The following HSPA4L variants were observed in gnomAD, a reference collection of about 807,000 sequenced individuals.
HSPA4L encodes heat shock protein family A (Hsp70) member 4 like, also known as heat shock 70 kDa protein 4L.
Under a neutral mutation model 100.3 loss-of-function variants are expected in HSPA4L, and 48 were observed. The ratio of observed to expected loss-of-function variants is 0.48; its 90% CI spans 0.38 to 0.61. The LOEUF (loss-of-function observed/expected upper bound fraction) is 0.61, where lower values mean the gene tolerates loss of function less well. Among genes scored for constraint, HSPA4L ranks in the 20% least tolerant of loss-of-function variants. The pLI is 0.00. For synonymous variants in HSPA4L, 319 were observed against 328.2 expected (o/e 0.97, Z 0.30); for missense variants, 886 against 988.6 (o/e 0.90, Z 1.39).
intron 14 of HSPA4L, 150 bp from the exon 15 acceptor site, chr4:127,822,619 T>G: frequency 1.4e-6 from 1 of 710,752 alleles, no homozygotes; most frequent in Non-Finnish European, 2.2e-6. Flanking sequence ...CTCAGCAATG[T>G]ACAAGGGTTT....
rs1356646761 is a variant in HSPA4L, at chr4:127,836,941, A to T, written c.*4067A>T. The T allele has an allele frequency of 2.0e-5, 3 of 151,928 alleles. No individual in the cohort carries two copies. Among genetic ancestry groups the T allele is most frequent in the Non-Finnish European group, 2.9e-5 (2 of 67,960 alleles). 9.4% of individuals were successfully genotyped at this position (151,928 alleles called of 1,614,324 possible). ...TTTCTCAGTTTTTAAAAGTTTACAAAATTTTTTTTTTTGTTTTGAGACAGA... is the reference window on the plus strand; with the variant it reads ...TTTCTCAGTTTTTAAAAGTTTACAATATTTTTTTTTTTGTTTTGAGACAGA... On this transcript the variant is annotated 3_prime_UTR_variant, in exon 19 of 19. Coordinates refer to ENST00000296464, the MANE Select transcript of HSPA4L (RefSeq NM_014278.4).
chr4:127,794,896 G>A (rs1732976547), intron 2 of HSPA4L, among the ~76,000 whole-genome samples: 1 of 152,048 alleles, frequency 6.6e-6, no homozygotes, highest in Non-Finnish European at 1.5e-5. Context: ...AAGGTCACTA[G>A]GATTATAGCA....
At chr4:127,786,828 A>G (rs1732731354) in intron 1 of HSPA4L, among the ~76,000 whole-genome samples, 1 of 152,348 alleles carries the variant, frequency 6.6e-6, no homozygotes, top group South Asian at 2.1e-4. Flanking sequence ...TAAAATTCAT[A>G]AAAAATACAT....
Position 127,833,960 on chromosome 4 carries a change from T to C in HSPA4L, c.*1086T>C, listed in dbSNP as rs1734148752. ...ACAGGCAAAAATATAGAATGTTACA[T>C]AGTGTTGTGTGATTAAATTATAGTT... is the stretch of plus-strand genomic sequence containing the variant. On this transcript the variant is annotated 3_prime_UTR_variant, in exon 19 of 19. Coordinates refer to ENST00000296464, the MANE Select transcript of HSPA4L (RefSeq NM_014278.4). The C allele has an allele frequency of 6.6e-6, 1 of 152,184 alleles. No individual in the cohort carries two copies. Among genetic ancestry groups the C allele is most frequent in the African/African-American group, 2.4e-5 (1 of 41,456 alleles). 9.4% of individuals were successfully genotyped at this position (152,184 alleles called of 1,614,324 possible).
At chr4:127,812,845 G>C in intron 12 of HSPA4L, 2 of 1,097,292 alleles carry the variant, frequency 1.8e-6, no homozygotes, top group South Asian at 2.5e-5. Context: ...TTTCTCTTTG[G>C]CTTCTTTCTT....
rs371354704 is a variant in HSPA4L at position 127,808,148 on chromosome 4, C to A, written c.1378+19C>A. The A allele has an allele frequency of 2.5e-6, 4 of 1,575,670 alleles. No homozygotes were observed. Among genetic ancestry groups the A allele is most frequent in the Non-Finnish European group, 3.4e-6 (4 of 1,166,680 alleles). On this transcript the variant is annotated intron_variant, in intron 11 of 18. Transcript: ENST00000296464. Reference sequence around the variant, plus strand: ...AGAATTGGTAAGATAAAAAAAAGTTCTCCATAACATTTTGGCCTTTTATAA... The same window carrying A: ...AGAATTGGTAAGATAAAAAAAAGTTATCCATAACATTTTGGCCTTTTATAA...
chr4:127,810,388 C>CA (rs1733491122), intron 11 of HSPA4L, among the ~76,000 whole-genome samples: 1 of 152,164 alleles, frequency 6.6e-6, no homozygotes, highest in African/African-American at 2.4e-5. Flanking sequence ...CAAAGTACCA[C>CA]AAGCTAGGTG....
In HSPA4L at chr4:127,834,003, C is replaced by T. The variant is rs1305664730; in HGVS notation, c.*1129C>T. On this transcript the variant is annotated 3_prime_UTR_variant, in exon 19 of 19. Coordinates refer to ENST00000296464, the MANE Select transcript of HSPA4L (RefSeq NM_014278.4). ...TTATAGTTCCTGCTGTTAACATTACCTTTTGAAACCTTGGCTCCAGTTTTG... is the reference window on the plus strand; with the variant it reads ...TTATAGTTCCTGCTGTTAACATTACTTTTTGAAACCTTGGCTCCAGTTTTG... 2.0e-5 allele frequency: 3 copies of T among 152,068 alleles called. No homozygotes were observed. The highest frequency in any genetic ancestry group is 4.4e-5 in the Non-Finnish European group (3 of 67,998). The allele number at this position is 152,068 out of a possible 1,614,324, so 9.4% of individuals were successfully genotyped here.
intron 1 of HSPA4L, among the ~76,000 whole-genome samples, chr4:127,789,265 G>A (rs1337163537): frequency 6.6e-6 from 1 of 152,120 alleles, no homozygotes; most frequent in East Asian, 1.9e-4. Flanking sequence ...AATCTTCATT[G>A]TTTAGAATTT....
intron 16 of HSPA4L, among the ~76,000 whole-genome samples, chr4:127,824,496 G>GTA (rs1349142237): frequency 6.6e-6 from 1 of 152,172 alleles, no homozygotes; most frequent in African/African-American, 2.4e-5. Context: ...ATCAGATATT[G>GTA]TATAGTCATA....
At chr4:127,826,589 T>C (rs570022485) in intron 16 of HSPA4L, among the ~76,000 whole-genome samples, 1 of 152,338 alleles carries the variant, frequency 6.6e-6, no homozygotes, top group Non-Finnish European at 1.5e-5. Context: ...TACCCTAAGA[T>C]GCTAACATTA....
Position 127,801,857 on chromosome 4 carries a change from T to C in HSPA4L, c.602T>C (p.Ile201Thr), listed in dbSNP as rs1373050040. Residue 201 changes from isoleucine (I) to threonine (T), a missense_variant, in exon 6 of 19, where the codon ATT becomes ACT. Physicochemically the swap from Ile to Thr is moderately conservative, Grantham distance 89. Transcript: ENST00000296464. ...LDEKPRNVVFIDMGHSAYQVL... is the reference protein window; with the variant it reads ...LDEKPRNVVFTDMGHSAYQVL... ...GAGAAACCAAGAAATGTAGTATTTATTGATATGGGACATTCTGCCTATCAG... is the reference window on the plus strand; with the variant it reads ...GAGAAACCAAGAAATGTAGTATTTACTGATATGGGACATTCTGCCTATCAG... The C allele has an allele frequency of 6.2e-7, 1 of 1,611,046 alleles. No individual in the cohort carries two copies. Among genetic ancestry groups the C allele is most frequent in the South Asian group, 1.1e-5 (1 of 90,628 alleles).
chr4:127,803,885 G>A lies in HSPA4L; in HGVS notation c.908+12G>A, dbSNP rs1442347678. ...AGTAAAATGAACAGGTACCACGTAT[G>A]TTTTTAGTTTGAAAAGTGTTTACTT... On this transcript the variant is annotated intron_variant, in intron 7 of 18. Coordinates refer to ENST00000296464, the MANE Select transcript of HSPA4L (RefSeq NM_014278.4). 5.0e-6 allele frequency: 8 copies of A among 1,611,328 alleles called. No individual in the cohort carries two copies. Among genetic ancestry groups the A allele is most frequent in the Non-Finnish European group, 6.8e-6 (8 of 1,178,460 alleles).
At chr4:127,820,709 A>C in intron 14 of HSPA4L, 144 bp downstream of exon 14, 1 of 725,464 alleles carries the variant, frequency 1.4e-6, no homozygotes. Flanking sequence ...TATTTTTTAC[A>C]AAATACTGAG....
chr4:127,815,548 G>T (rs1273394592), intron 12 of HSPA4L, among the ~76,000 whole-genome samples: 2 of 151,484 alleles, frequency 1.3e-5, no homozygotes, highest in Non-Finnish European at 2.9e-5. Context: ...AGGGATCAAA[G>T]AAACTATATG....
chr4:127,818,601 G>A (rs1397936252), intron 13 of HSPA4L, among the ~76,000 whole-genome samples, 181 bp downstream of exon 13: 1 of 152,022 alleles, frequency 6.6e-6, no homozygotes, highest in Non-Finnish European at 1.5e-5. Context: ...TTTTTAAAAA[G>A]GAACCCTAAC....
chr4:127,801,064 A>T, intron 4 of HSPA4L, 74 bp from the exon 5 acceptor site: 1 of 1,062,054 alleles, frequency 9.4e-7, no homozygotes, highest in Non-Finnish European at 1.4e-6. Flanking sequence ...CATAAGTTTT[A>T]GGGTAATTAT....
In HSPA4L at chr4:127,837,746, G is replaced by A. The variant is rs1427454479; in HGVS notation, c.*4872G>A. ...GGCTTGTAACCAAAACAAGCAAAAA[G>A]AAACTTTAGCTGTTTAACTATCACC... On this transcript the variant is annotated 3_prime_UTR_variant, in exon 19 of 19. Coordinates refer to ENST00000296464, the MANE Select transcript of HSPA4L (RefSeq NM_014278.4). 1 of 151,678 alleles carries A rather than the reference G, an allele frequency of 6.6e-6. No homozygotes were observed. Among genetic ancestry groups the A allele is most frequent in the Non-Finnish European group, 1.5e-5 (1 of 67,932 alleles). The allele number at this position is 151,678 out of a possible 1,614,324, so 9.4% of individuals were successfully genotyped here.
At chr4:127,801,633 C>A in intron 5 of HSPA4L, 152 bp from the exon 6 acceptor site, 2 of 589,138 alleles carry the variant, frequency 3.4e-6, no homozygotes, top group South Asian at 3.4e-5. Flanking sequence ...AAAGTTAAAG[C>A]ATTATTAACC....
Sources: gnomAD v4.1 joint callset for allele counts (sites outside exome capture counted in the v4.1 genomes callset) on GRCh38, gnomAD v4.1.1 for gene constraint, MANE v1.5 for transcripts, NCBI Gene and HGNC (gene_info 2026-07-23, HGNC 2026-07-21) for gene names.